The following SHANK2 variants were observed in gnomAD, a reference collection of about 807,000 sequenced individuals.
SHANK2 encodes SH3 and multiple ankyrin repeat domains protein 2.
Under a neutral mutation model 133.7 loss-of-function variants are expected in SHANK2, and 43 were observed. That is an observed-to-expected ratio of 0.32 (90% confidence interval 0.25 to 0.41). The LOEUF (loss-of-function observed/expected upper bound fraction) is 0.41. Ranked by LOEUF, SHANK2 falls within the 10% of genes least tolerant of loss-of-function variation. The pLI is 1.00. For missense variants in SHANK2, 1,994 were observed against 2,235.8 expected (o/e 0.89, Z 2.18); for synonymous variants, 1,017 against 952.8 (o/e 1.07, Z -1.24).
intron 10 of SHANK2, among the ~76,000 whole-genome samples, chr11:70,922,341 A>G (rs1383523491): frequency 1.3e-5 from 2 of 152,236 alleles, no homozygotes; most frequent in Non-Finnish European, 2.9e-5. Flanking sequence ...AAAATAGAGC[A>G]GAAGTACTAC....
In SHANK2 at chr11:71,147,226, T is replaced by C. The variant is rs1952671166; in HGVS notation, c.101A>G (p.Tyr34Cys). 6.4e-7 allele frequency: 1 copy of C among 1,550,900 alleles called. No homozygotes were observed. The highest frequency in any genetic ancestry group is 1.7e-4 in the Middle Eastern group (1 of 5,978). The stretch of plus-strand genomic sequence containing the variant: ...CTCCGCAGTGGCCCGGATCGTGTCA[T>C]AGATGGTCTCTTCTTTGGAGCTGTC... The part of the protein sequence containing the change: ...ESDSSKEETI[Y>C]DTIRATAEKP... The change falls in exon 3 of 26, where the codon TAT (tyrosine) becomes TGT (cysteine). Residue 34 changes from tyrosine to cysteine, a missense_variant. This residue lies in a region of SHANK2 where 653 missense variants were observed against 563.4 expected (regional missense o/e 1.16). Coordinates refer to ENST00000601538, the MANE Select transcript of SHANK2 (RefSeq NM_012309.5).
chr11:70,842,960 C>A (rs978119234), intron 11 of SHANK2, among the ~76,000 whole-genome samples: 2 of 152,130 alleles, frequency 1.3e-5, no homozygotes, highest in African/African-American at 4.8e-5. Flanking sequence ...ATCTGACTAC[C>A]CTGACGCAGT....
chr11:70,942,676 C>T (rs1327176458), intron 10 of SHANK2: 1 of 456,782 alleles, frequency 2.2e-6, no homozygotes, highest in Non-Finnish European at 4.4e-6. Context: ...CATTCAGGGA[C>T]AGATACTTCT....
intron 2 of SHANK2, among the ~76,000 whole-genome samples, chr11:71,205,480 G>A (rs1282408865): frequency 2.0e-5 from 3 of 152,194 alleles, no homozygotes; most frequent in Non-Finnish European, 4.4e-5. Flanking sequence ...TCCAGTAGAG[G>A]CTGCACAGCC....
intron 17 of SHANK2, among the ~76,000 whole-genome samples, chr11:70,638,754 C>G (rs1195409561): frequency 2.0e-5 from 3 of 152,112 alleles, no homozygotes; most frequent in African/African-American, 7.2e-5. Context: ...CACCTGTAAT[C>G]CCAGCACTTT....
intron 11 of SHANK2, among the ~76,000 whole-genome samples, chr11:70,843,139 G>A (rs1948935897): frequency 6.6e-6 from 1 of 152,126 alleles, no homozygotes; most frequent in Non-Finnish European, 1.5e-5. Flanking sequence ...TTCAGGTCAT[G>A]GGGTCAGGGA....
chr11:71,231,705 G>A (rs1478860377), intron 1 of SHANK2, among the ~76,000 whole-genome samples: 1 of 152,102 alleles, frequency 6.6e-6, no homozygotes, highest in African/African-American at 2.4e-5. Context: ...CCTGGTCAAG[G>A]TAGCGAAATC....
intron 17 of SHANK2, among the ~76,000 whole-genome samples, chr11:70,605,954 C>T (rs374405372): frequency 6.6e-6 from 1 of 152,104 alleles, no homozygotes; most frequent in Admixed American, 6.6e-5. Context: ...TTATTCCCCC[C>T]CCTCCTTGGG....
At chr11:70,592,092 G>A (rs951956174) in intron 17 of SHANK2, among the ~76,000 whole-genome samples, 1 of 152,032 alleles carries the variant, frequency 6.6e-6, no homozygotes, top group Non-Finnish European at 1.5e-5. Flanking sequence ...GAGGTGTGGA[G>A]ACTACATTTA....
intron 2 of SHANK2, among the ~76,000 whole-genome samples, chr11:71,157,517 G>A (rs117392119): frequency 0.027 from 4,169 of 152,200 alleles, 91 homozygotes; most frequent in Middle Eastern, 0.048. Context: ...GGTCTGCACC[G>A]TCTTTCTTTG....
At chr11:71,169,359 C>T (rs1177328454) in intron 2 of SHANK2, among the ~76,000 whole-genome samples, 1 of 152,194 alleles carries the variant, frequency 6.6e-6, no homozygotes, top group African/African-American at 2.4e-5. Flanking sequence ...ACTGGCTTTG[C>T]TTAGGATTCT....
intron 11 of SHANK2, among the ~76,000 whole-genome samples, chr11:70,843,681 T>A (rs941240593): frequency 4.6e-5 from 7 of 151,738 alleles, no homozygotes; most frequent in Non-Finnish European, 8.8e-5. Context: ...GATCTCGAGC[T>A]CCAGCCTCCA....
intron 17 of SHANK2, among the ~76,000 whole-genome samples, chr11:70,539,828 A>G (rs1405178780): frequency 2.0e-5 from 3 of 152,046 alleles, no homozygotes; most frequent in Non-Finnish European, 4.4e-5. Flanking sequence ...TCATGTTCCT[A>G]CAGTCCTGGA....
chr11:70,693,533 G>T (rs1235089449), intron 15 of SHANK2, among the ~76,000 whole-genome samples: 1 of 152,022 alleles, frequency 6.6e-6, no homozygotes, highest in Non-Finnish European at 1.5e-5. Context: ...CAACCTCCCA[G>T]GATTCTATGA....
At chr11:71,244,754 G>A (rs1954939554) in intron 1 of SHANK2, among the ~76,000 whole-genome samples, 1 of 152,244 alleles carries the variant, frequency 6.6e-6, no homozygotes, top group Admixed American at 6.5e-5. Flanking sequence ...CCAGGCTAGA[G>A]TGCAGTGGGG....
chr11:70,658,540 C>A (rs1285558641), intron 17 of SHANK2, among the ~76,000 whole-genome samples: 2 of 152,184 alleles, frequency 1.3e-5, no homozygotes, highest in Non-Finnish European at 2.9e-5. Flanking sequence ...AATTTAAATG[C>A]ATCTTCCAGC....
intron 17 of SHANK2, among the ~76,000 whole-genome samples, chr11:70,599,957 A>AAGAAAGAAAGAG (rs2060469098): frequency 7.5e-6 from 1 of 133,364 alleles, no homozygotes; most frequent in Non-Finnish European, 1.6e-5. Context: ...GAAAGAAAGA[A>AAGAAAGAAAGAG]AGAAAGAAAG....
At chr11:70,490,181 C>T in intron 23 of SHANK2, 95 bp downstream of exon 23, 1 of 1,097,662 alleles carries the variant, frequency 9.1e-7, no homozygotes, top group South Asian at 1.3e-5. Context: ...GCCAAGGCAA[C>T]TGTGAGAGGC....
chr11:71,147,159 C>T lies in SHANK2; in HGVS notation c.168G>A (p.Thr56=), dbSNP rs150944234. The change falls in exon 3 of 26, where the codon ACG becomes ACA. Residue 56 remains threonine, a synonymous_variant. Coordinates refer to ENST00000601538, the MANE Select transcript of SHANK2 (RefSeq NM_012309.5). The part of the protein sequence containing the change: ...GARTEESQGN[T]LVIRVVIHDL... ...CATGGATGACCACGCGGATCACCAG[C>T]GTGTTGCCCTGGCTCTCCTCCGTCC... 5.7e-4 allele frequency: 880 copies of T among 1,550,244 alleles called. 3 individuals carry two copies. In the African/African-American group the frequency reaches 9.8e-3, roughly 17 times the overall value.
Sources: allele counts gnomAD v4.1 joint callset (sites outside exome capture counted in the v4.1 genomes callset), GRCh38; gene constraint gnomAD v4.1.1; regional missense constraint gnomAD v4.1.1; transcripts MANE v1.5; gene names NCBI Gene and HGNC (gene_info 2026-07-23, HGNC 2026-07-21).